Variants in GHR observed in about 807,000 individuals in gnomAD.
GHR encodes the protein growth hormone receptor, also known as GH receptor.
In GHR, 35 loss-of-function variants were observed where a neutral mutation model predicts 67.1. That is an observed-to-expected ratio of 0.52 (90% CI 0.40 to 0.69). The LOEUF is 0.69. Among genes scored for constraint, GHR ranks in the 30% least tolerant of loss-of-function variants. GHR has a pLI of 0.00. For synonymous variants in GHR, 272 were observed against 269.1 expected (o/e 1.01, Z -0.10); for missense variants, 792 against 764.6 (o/e 1.04, Z -0.42).
chr5:42,562,907 C>G (rs777905276), intron 1 of GHR, among the ~76,000 whole-genome samples: 3 of 152,236 alleles, frequency 2.0e-5, no homozygotes, highest in East Asian at 1.9e-4. Flanking sequence ...CCTCGGCCCC[C>G]CAAAGTGCTG....
In GHR at chr5:42,457,675, T is replaced by C. The variant is rs144352543; in HGVS notation, c.-12+33720T>C. 3.2e-3 allele frequency among the ~76,000 whole-genome samples: 488 copies of C among 152,324 alleles called. 2 individuals are homozygous for C. The highest frequency in any genetic ancestry group is 5.6e-3 in the Non-Finnish European group (382 of 68,026). Reference sequence around the variant, plus strand: ...ATTTTCACAAAGACAAATCACACCATTGTTATATTAAATATTAATTTTTTC... The same window carrying C: ...ATTTTCACAAAGACAAATCACACCACTGTTATATTAAATATTAATTTTTTC... On this transcript the variant is annotated intron_variant, in intron 1 of 9. Coordinates refer to ENST00000230882, the MANE Select transcript of GHR (RefSeq NM_000163.5).
intron 1 of GHR, among the ~76,000 whole-genome samples, chr5:42,473,087 TAGAA>T (rs1044027055): frequency 8.5e-5 from 13 of 152,196 alleles, no homozygotes; most frequent in Non-Finnish European, 1.5e-4. Flanking sequence ...TCTCTGTAGA[TAGAA>T]AGAATTTGTA....
chr5:42,583,304 A>G (rs1751288526), intron 2 of GHR, among the ~76,000 whole-genome samples: 2 of 152,330 alleles, frequency 1.3e-5, no homozygotes, highest in Non-Finnish European at 2.9e-5. Flanking sequence ...TCACTTAGAA[A>G]TGGAAACCCA....
intron 2 of GHR, among the ~76,000 whole-genome samples, chr5:42,604,053 G>A (rs537110249): frequency 6.6e-6 from 1 of 152,306 alleles, no homozygotes; most frequent in African/African-American, 2.4e-5. Flanking sequence ...GATATTTTAA[G>A]GGATACAAAC....
intron 8 of GHR, among the ~76,000 whole-genome samples, chr5:42,716,974 C>A (rs930874137): frequency 1.2e-4 from 19 of 152,122 alleles, no homozygotes; most frequent in Admixed American, 3.9e-4. Context: ...TTGGAATAAT[C>A]TCTGAGCCTT....
chr5:42,648,298 G>T (rs537765914), intron 3 of GHR, among the ~76,000 whole-genome samples: 2 of 152,298 alleles, frequency 1.3e-5, no homozygotes, highest in Non-Finnish European at 2.9e-5. Flanking sequence ...ACAGGAAATT[G>T]TGGGTTACAC....
At chr5:42,604,025 T>G (rs1242578279) in intron 2 of GHR, among the ~76,000 whole-genome samples, 1 of 152,218 alleles carries the variant, frequency 6.6e-6, no homozygotes, top group African/African-American at 2.4e-5. Context: ...TGCTTATGTT[T>G]ATGAGTTTAT....
chr5:42,583,889 A>G, intron 2 of GHR, among the ~76,000 whole-genome samples: 1 of 148,986 alleles, frequency 6.7e-6, no homozygotes, highest in Non-Finnish European at 1.5e-5. Flanking sequence ...ATATATATAT[A>G]TATATATAAA....
chr5:42,543,222 T>C (rs2112386167), intron 1 of GHR, among the ~76,000 whole-genome samples: 1 of 152,296 alleles, frequency 6.6e-6, no homozygotes, highest in South Asian at 2.1e-4. Context: ...TTGTTTTCCA[T>C]GGAGGTTGTA....
intron 1 of GHR, among the ~76,000 whole-genome samples, chr5:42,535,975 G>C (rs1040550092): frequency 3.3e-5 from 5 of 152,042 alleles, no homozygotes; most frequent in Non-Finnish European, 5.9e-5. Context: ...GGTCGCTGCT[G>C]GTGTATAGAA....
At chr5:42,517,683 T>A (rs1025250618) in intron 1 of GHR, among the ~76,000 whole-genome samples, 3 of 152,186 alleles carry the variant, frequency 2.0e-5, no homozygotes, top group African/African-American at 7.2e-5. Context: ...AAGTTTAAAA[T>A]AAATTTCTAA....
chr5:42,544,003 TG>T (rs904902848), intron 1 of GHR, among the ~76,000 whole-genome samples: 1 of 152,142 alleles, frequency 6.6e-6, no homozygotes, highest in African/African-American at 2.4e-5. Context: ...CCAGCTATTC[TG>T]GCACTGGTTA....
chr5:42,474,303 A>AAGAAAGAAAGAAAGAAAGAAAGAAAGAT (rs1745172303), intron 1 of GHR, among the ~76,000 whole-genome samples: 1 of 135,680 alleles, frequency 7.4e-6, no homozygotes, highest in Non-Finnish European at 1.6e-5. Flanking sequence ...AAGAGAAAGA[A>AAGAAAGAAAGAAAGAAAGAAAGAAAGAT]AGAAAGAAAG....
intron 1 of GHR, among the ~76,000 whole-genome samples, chr5:42,456,305 G>A (rs759940879): frequency 9.2e-5 from 14 of 152,186 alleles, no homozygotes; most frequent in Admixed American, 2.0e-4. Context: ...GCGAGACTCC[G>A]TCTCAAAATA....
At chr5:42,536,611 C>T (rs763373875) in intron 1 of GHR, among the ~76,000 whole-genome samples, 17 of 152,072 alleles carry the variant, frequency 1.1e-4, no homozygotes, top group Non-Finnish European at 1.6e-4. Flanking sequence ...TCAAGGATAT[C>T]GGTCTGTAGT....
At chr5:42,428,355 A>G (rs1394675950) in intron 1 of GHR, among the ~76,000 whole-genome samples, 3 of 152,152 alleles carry the variant, frequency 2.0e-5, no homozygotes, top group Non-Finnish European at 4.4e-5. Context: ...CCTAGGCTGC[A>G]CCTAGCAGGC....
In GHR at chr5:42,423,687, A is replaced by C. The variant is rs1579670016; in HGVS notation, c.-280A>C. 6.6e-6 allele frequency: 1 copy of C among 150,996 alleles called. No individual in the cohort carries two copies. The highest frequency in any genetic ancestry group is 1.5e-5 in the Non-Finnish European group (1 of 67,486). 9.4% of individuals were successfully genotyped at this position (150,996 alleles called of 1,614,324 possible). A position where few individuals can be genotyped will look rare whatever the true frequency, so the allele number is the denominator to read the frequency against. ...CCCTCCCATCCTCCCTTCCCGTTTC[A>C]CCCCGCCCCCTCTCTCCTCCCCAAG... On this transcript the variant is annotated 5_prime_UTR_variant, in exon 1 of 10. Transcript: ENST00000230882.
rs1746656209 is a variant in GHR, at chr5:42,504,167, GCAATAGTTTATATGCATTGCC to G, written c.-11-61694_-11-61674del. 2.6e-5 allele frequency among the ~76,000 whole-genome samples: 4 copies of G among 152,110 alleles called. No homozygotes were observed. In the South Asian group the frequency reaches 6.2e-4, roughly 24 times the overall value. ...CTGCAAAGCTTATCAAACTCAAGAA[GCAATAGTTTATATGCATTGCC>G]CAGGTTGAATATTATTAATTTGGGT... is the stretch of plus-strand genomic sequence containing the variant. On this transcript the variant is annotated intron_variant, in intron 1 of 9. Transcript: ENST00000230882.
At chr5:42,657,857 G>A (rs1352954709) in intron 3 of GHR, among the ~76,000 whole-genome samples, 2 of 152,150 alleles carry the variant, frequency 1.3e-5, no homozygotes, top group African/African-American at 4.8e-5. Flanking sequence ...CTGAGCTCAA[G>A]TGATCCTCCC....
Sources: allele counts gnomAD v4.1 joint callset (sites outside exome capture counted in the v4.1 genomes callset), GRCh38; gene constraint gnomAD v4.1.1; transcripts MANE v1.5; gene names NCBI Gene and HGNC (gene_info 2026-07-23, HGNC 2026-07-21).